The following DARS2 variants were observed in gnomAD, a reference collection of about 807,000 sequenced individuals.
The protein encoded by DARS2 is aspartate--tRNA ligase, mitochondrial.
Under a neutral mutation model 83.0 loss-of-function variants are expected in DARS2, and 63 were observed. The ratio of observed to expected loss-of-function variants is 0.76; its 90% CI spans 0.62 to 0.94. The LOEUF (loss-of-function observed/expected upper bound fraction) is 0.94. Among genes scored for constraint, DARS2 ranks in the 40% least tolerant of loss-of-function variants. The pLI is 0.00. For missense variants in DARS2, 675 were observed against 774.4 expected (o/e 0.87, Z 1.52); for synonymous variants, 250 against 269.3 (o/e 0.93, Z 0.70).
At position 173,853,424 on chromosome 1, in the gene DARS2, A is replaced by G. The variant is rs1219373455; in HGVS notation, c.1420A>G (p.Thr474Ala). 1.9e-6 allele frequency: 3 copies of G among 1,613,114 alleles called. No homozygotes were observed. Among genetic ancestry groups the G allele is most frequent in the African/African-American group, 2.7e-5 (2 of 74,534 alleles). ...ETRGVVLRDP[T>A]LFSFLWVVDF... is the part of the protein sequence containing the mutation. ...AAGAGGAGTGGTGCTCCGTGACCCC[A>G]CTCTGTTCTCTTTCCTTTGGGTGGT... The change falls in exon 14 of 17, where the codon ACT becomes GCT. Residue 474 changes from threonine to alanine, a missense_variant. Thr to Ala is a moderately conservative substitution (Grantham distance 58, BLOSUM62 0). Coordinates refer to ENST00000649689, the MANE Select transcript of DARS2 (RefSeq NM_018122.5).
rs775947767 is a variant in DARS2 at position 173,838,228 on chromosome 1, C to T, written c.809C>T (p.Ser270Leu). 5.6e-6 allele frequency: 9 copies of T among 1,613,750 alleles called. No individual in the cohort carries two copies. Among genetic ancestry groups the T allele is most frequent in the Admixed American group, 3.3e-5 (2 of 60,022 alleles). Reference protein sequence around the residue: ...QVARCYRDEGSRPDRQPEFTQ... With the variant: ...QVARCYRDEGLRPDRQPEFTQ... The stretch of plus-strand genomic sequence containing the variant: ...GCCCGATGTTATCGAGATGAAGGTT[C>T]AAGACCAGACAGACAGCCTGAGTTT... Residue 270 changes from serine (S) to leucine (L), a missense_variant, in exon 9 of 17, where the codon TCA (serine) becomes TTA (leucine). Physicochemically the swap from Ser to Leu is moderately radical, Grantham distance 145. Transcript: ENST00000649689.
At chr1:173,832,768 CAAAA>C (rs5779442) in intron 5 of DARS2, among the ~76,000 whole-genome samples, 4 of 103,726 alleles carry the variant, frequency 3.9e-5, no homozygotes, top group Admixed American at 1.1e-4. Context: ...GACTCCATCT[CAAAA>C]AAAAAAAAAA....
chr1:173,849,881 T>TTTA (rs1653584227), intron 12 of DARS2, among the ~76,000 whole-genome samples: 1 of 130,440 alleles, frequency 7.7e-6, no homozygotes, highest in Non-Finnish European at 1.6e-5. Context: ...TTTTTTTTTT[T>TTTA]GAGTCTCACT....
At chr1:173,837,459 G>A (rs1014255800) in intron 8 of DARS2, among the ~76,000 whole-genome samples, 3 of 152,230 alleles carry the variant, frequency 2.0e-5, no homozygotes, top group East Asian at 3.9e-4. Context: ...GAGCTAGATC[G>A]TTGAGGACAG....
At chr1:173,837,947 G>A (rs528337988) in intron 8 of DARS2, among the ~76,000 whole-genome samples, 6 of 152,102 alleles carry the variant, frequency 3.9e-5, no homozygotes, top group African/African-American at 9.6e-5. Context: ...GCTAATTTTC[G>A]TATTTTTAGT....
At chr1:173,834,741 T>TG (rs1445187495) in intron 7 of DARS2, among the ~76,000 whole-genome samples, 3 of 131,154 alleles carry the variant, frequency 2.3e-5, no homozygotes, top group African/African-American at 1.0e-4. Flanking sequence ...TGTTTTTTTT[T>TG]TTTTTTTTTT....
intron 12 of DARS2, among the ~76,000 whole-genome samples, chr1:173,849,437 G>A (rs1033712403): frequency 6.6e-6 from 1 of 151,564 alleles, no homozygotes; most frequent in Non-Finnish European, 1.5e-5. Flanking sequence ...GGGAGGCTGA[G>A]GCAGGAGAAT....
intron 13 of DARS2, among the ~76,000 whole-genome samples, chr1:173,852,881 A>G (rs1017491141): frequency 9.2e-5 from 14 of 152,172 alleles, no homozygotes; most frequent in African/African-American, 3.1e-4. Flanking sequence ...TGTGCCAGGC[A>G]CTTACCAAAT....
Position 173,831,528 on chromosome 1 carries a change from C to T in DARS2, c.397-7C>T, listed in dbSNP as rs772289852. The T allele has an allele frequency of 3.7e-6, 6 of 1,608,768 alleles. No homozygotes were observed. Among genetic ancestry groups the T allele is most frequent in the Non-Finnish European group, 5.1e-6 (6 of 1,175,238 alleles). ...ATTTTTAAAACCCTTCCTTCTCACT[C>T]TCCAAGAAAATGCCAACAGGTGAGA... On this transcript the variant is annotated splice_region_variant and splice_polypyrimidine_tract_variant and intron_variant, in intron 4 of 16. Coordinates refer to ENST00000649689, the MANE Select transcript of DARS2 (RefSeq NM_018122.5).
chr1:173,832,248 T>A (rs549457177), intron 5 of DARS2, among the ~76,000 whole-genome samples: 1 of 152,218 alleles, frequency 6.6e-6, no homozygotes, highest in South Asian at 2.1e-4. Context: ...CAATTAGTCT[T>A]ACATTTAAGT....
At chr1:173,834,444 AC>A (rs1303050260) in intron 6 of DARS2, 28 bp from the exon 7 acceptor site, 3 of 1,554,144 alleles carry the variant, frequency 1.9e-6, no homozygotes, top group East Asian at 2.2e-5. Context: ...ATTCCTATCT[AC>A]TAAGTGATAA....
intron 1 of DARS2, among the ~76,000 whole-genome samples, chr1:173,825,944 C>T (rs1018159921): frequency 5.3e-5 from 8 of 151,010 alleles, no homozygotes; most frequent in African/African-American, 1.5e-4. Flanking sequence ...CTTCTTCGGC[C>T]GGGCGCGGTG....
At chr1:173,856,251 G>GTTC (rs1213656256) in intron 15 of DARS2, among the ~76,000 whole-genome samples, 2 of 152,176 alleles carry the variant, frequency 1.3e-5, no homozygotes, top group Non-Finnish European at 2.9e-5. Context: ...CCAGTGGCCT[G>GTTC]TTCTTGGCCC....
intron 7 of DARS2, among the ~76,000 whole-genome samples, chr1:173,834,732 G>GTTTTTTTTTTTTTTTTT: frequency 4.6e-5 from 1 of 21,680 alleles, no homozygotes; most frequent in Non-Finnish European, 8.5e-5. Context: ...GAGTTTTTTT[G>GTTTTTTTTTTTTTTTTT]TTTTTTTTTT....
In DARS2 at chr1:173,833,512, CCTGGATGCT is replaced by C; in HGVS notation, c.616+16_616+24del. On this transcript the variant is annotated intron_variant, in intron 6 of 16. Coordinates refer to ENST00000649689, the MANE Select transcript of DARS2 (RefSeq NM_018122.5). ...TGTAATCTGCATGGTAAGAGAAATGCCTGGATGCTCTTTGGAGCTTTGTAGCATCTCTTC... is the reference window on the plus strand; with the variant it reads ...TGTAATCTGCATGGTAAGAGAAATGCCTTTGGAGCTTTGTAGCATCTCTTC... 1 of 1,614,006 alleles carries C rather than the reference CCTGGATGCT, an allele frequency of 6.2e-7. No homozygotes were observed. The highest frequency in any genetic ancestry group is 8.5e-7 in the Non-Finnish European group (1 of 1,179,982).
At chr1:173,853,071 A>G (rs1653733549) in intron 13 of DARS2, among the ~76,000 whole-genome samples, 1 of 152,150 alleles carries the variant, frequency 6.6e-6, no homozygotes, top group Non-Finnish European at 1.5e-5. Context: ...AATTAGCCAC[A>G]CTGAGATTCA....
In DARS2 at chr1:173,828,313, T is replaced by TC. The variant is rs374122386; in HGVS notation, c.228-10dup. The TC allele has an allele frequency of 7.7e-3, 9,456 of 1,229,418 alleles. 166 individuals carry two copies. Among genetic ancestry groups the TC allele is most frequent in the African/African-American group, 0.068 (4,567 of 67,200 alleles). 76.2% of individuals were successfully genotyped at this position (1,229,418 alleles called of 1,614,324 possible). A position where few individuals can be genotyped will look rare whatever the true frequency, so the allele number is the denominator to read the frequency against. On this transcript the variant is annotated intron_variant, in intron 2 of 16. Transcript: ENST00000649689. ...AGATTTTATCTTAAAATGTTTCTTT[T>TC]CCCCCCCCCCATTAATCAGGCAAAA... is the stretch of plus-strand genomic sequence containing the variant.
intron 13 of DARS2, 50 bp downstream of exon 13, chr1:173,850,529 C>T: frequency 6.3e-7 from 1 of 1,580,672 alleles, no homozygotes; most frequent in Admixed American, 1.7e-5. Context: ...TGAACAATGC[C>T]TTACTCTCCT....
chr1:173,836,945 C>G lies in DARS2; in HGVS notation c.669C>G (p.Ala223=), dbSNP rs756848461. The G allele has an allele frequency of 1.2e-6, 2 of 1,613,250 alleles. No individual in the cohort carries two copies. Among genetic ancestry groups the G allele is most frequent in the East Asian group, 4.5e-5 (2 of 44,842 alleles). The change falls in exon 8 of 17, where the codon GCC becomes GCG. Residue 223 remains alanine (A), a synonymous_variant. Coordinates refer to ENST00000649689, the MANE Select transcript of DARS2 (RefSeq NM_018122.5). ...TCTTTCTCTCTCTTTGAAAGGGTGC[C>G]AAAGAGTTTTTAGTACCATCCAGGG... ...PTLFKRTPGG[A]KEFLVPSREP...
Sources: gnomAD v4.1 joint callset for allele counts (sites outside exome capture counted in the v4.1 genomes callset) on GRCh38, gnomAD v4.1.1 for gene constraint, MANE v1.5 for transcripts, NCBI Gene and HGNC (gene_info 2026-07-23, HGNC 2026-07-21) for gene names.